Variants in DCLK2 observed in about 807,000 individuals in gnomAD.
The protein encoded by DCLK2 is serine/threonine-protein kinase DCLK2.
In DCLK2, 31 loss-of-function variants were observed where a neutral mutation model predicts 78.4. The observed-to-expected ratio is 0.40, with a 90% CI of 0.30 to 0.53. DCLK2 has a LOEUF of 0.53. Among genes scored for constraint, DCLK2 ranks in the 20% least tolerant of loss-of-function variants. The pLI, the probability that DCLK2 is intolerant of heterozygous loss-of-function variation, is 0.61. For missense variants in DCLK2, 872 were observed against 973.7 expected (o/e 0.90, Z 1.39); for synonymous variants, 407 against 374.9 (o/e 1.09, Z -0.99).
At chr4:150,108,437 G>A (rs372253065) in intron 2 of DCLK2, among the ~76,000 whole-genome samples, 2 of 151,938 alleles carry the variant, frequency 1.3e-5, no homozygotes, top group East Asian at 2.0e-4. Context: ...CCAGCTACAC[G>A]GGAGGCTGAG....
At chr4:150,217,571 C>T (rs1740817848) in intron 5 of DCLK2, among the ~76,000 whole-genome samples, 2 of 152,162 alleles carry the variant, frequency 1.3e-5, no homozygotes, top group African/African-American at 4.8e-5. Flanking sequence ...CTTAGGTGCA[C>T]CTATCCCTCC....
chr4:150,156,738 CTATTTTAT>C (rs1735302143), intron 2 of DCLK2, among the ~76,000 whole-genome samples: 1 of 142,932 alleles, frequency 7.0e-6, no homozygotes, highest in Admixed American at 7.2e-5. Context: ...TAGGGAGTAA[CTATTTTAT>C]TTATTTATTT....
At chr4:150,229,791 A>G (rs1039743532) in intron 8 of DCLK2, among the ~76,000 whole-genome samples, 3 of 152,198 alleles carry the variant, frequency 2.0e-5, no homozygotes, top group African/African-American at 7.2e-5. Flanking sequence ...TGGAGTTAGA[A>G]TCATGAATCA....
intron 1 of DCLK2, among the ~76,000 whole-genome samples, chr4:150,085,739 A>G (rs775075373): frequency 2.6e-5 from 4 of 152,204 alleles, no homozygotes; most frequent in Non-Finnish European, 5.9e-5. Flanking sequence ...AGTCACCATG[A>G]GTGAACCAAG....
At chr4:150,108,591 G>C (rs1036229888) in intron 2 of DCLK2, among the ~76,000 whole-genome samples, 1 of 151,678 alleles carries the variant, frequency 6.6e-6, no homozygotes, top group Non-Finnish European at 1.5e-5. Context: ...AAACCTTCTT[G>C]CACTTTTAAG....
At chr4:150,234,752 T>TAAA (rs77788835) in intron 10 of DCLK2, among the ~76,000 whole-genome samples, 57 of 141,106 alleles carry the variant, frequency 4.0e-4, no homozygotes, top group Non-Finnish European at 8.5e-4. Context: ...TGCTCTGTGT[T>TAAA]AAAAAAAAAA....
At chr4:150,140,456 A>G (rs1366050928) in intron 2 of DCLK2, among the ~76,000 whole-genome samples, 2 of 152,158 alleles carry the variant, frequency 1.3e-5, no homozygotes, top group East Asian at 3.9e-4. Flanking sequence ...AGGGTTGAGG[A>G]CCCCAATGGT....
At chr4:150,155,795 A>G (rs1735228823) in intron 2 of DCLK2, among the ~76,000 whole-genome samples, 2 of 152,150 alleles carry the variant, frequency 1.3e-5, no homozygotes, top group Non-Finnish European at 2.9e-5. Context: ...GACTGCACAA[A>G]TGGGTGGATA....
intron 2 of DCLK2, among the ~76,000 whole-genome samples, chr4:150,109,662 A>C (rs2150164412): frequency 6.6e-6 from 1 of 152,294 alleles, no homozygotes; most frequent in Non-Finnish European, 1.5e-5. Context: ...GATGATAGAA[A>C]TCTAGACAAC....
intron 2 of DCLK2, among the ~76,000 whole-genome samples, chr4:150,129,441 C>A (rs1733140911): frequency 6.6e-6 from 1 of 152,040 alleles, no homozygotes; most frequent in South Asian, 2.1e-4. Flanking sequence ...ATTTTAATGG[C>A]CAGGCGCCGT....
intron 2 of DCLK2, among the ~76,000 whole-genome samples, chr4:150,186,736 C>T (rs962724347): frequency 5.3e-5 from 8 of 152,134 alleles, no homozygotes; most frequent in African/African-American, 9.7e-5. Flanking sequence ...CAGTTAAATA[C>T]GTAGTCCCAG....
intron 2 of DCLK2, among the ~76,000 whole-genome samples, chr4:150,119,044 TATAATA>T (rs70937317): frequency 6.9e-5 from 8 of 115,382 alleles, no homozygotes; most frequent in East Asian, 4.6e-4. Context: ...ACAATAATAA[TATAATA>T]ATAATAATAA....
intron 2 of DCLK2, among the ~76,000 whole-genome samples, chr4:150,130,944 T>C (rs2150197024): frequency 6.6e-6 from 1 of 152,192 alleles, no homozygotes; most frequent in East Asian, 1.9e-4. Flanking sequence ...TCTTAATAAG[T>C]CCTGGTTTCC....
chr4:150,105,924 T>C (rs1204087681), intron 2 of DCLK2, among the ~76,000 whole-genome samples: 1 of 152,064 alleles, frequency 6.6e-6, no homozygotes, highest in Non-Finnish European at 1.5e-5. Flanking sequence ...CCATCAGAAA[T>C]TGAATATTTG....
chr4:150,089,877 TGTAATGAGTCA>T (rs1408266045), intron 1 of DCLK2, among the ~76,000 whole-genome samples: 2 of 152,226 alleles, frequency 1.3e-5, no homozygotes, highest in Non-Finnish European at 2.9e-5. Flanking sequence ...CAGAATGCCG[TGTAATGAGTCA>T]GTTTTGCACA....
At position 150,102,076 on chromosome 4, in the gene DCLK2, T is replaced by G. The variant is rs75987972; in HGVS notation, c.422-402T>G. 7.0e-3 allele frequency among the ~76,000 whole-genome samples: 1,070 copies of G among 152,336 alleles called. 10 individuals are homozygous for G. Among genetic ancestry groups the G allele is most frequent in the African/African-American group, 0.025 (1,026 of 41,572 alleles). On this transcript the variant is annotated intron_variant, in intron 1 of 15. Transcript: ENST00000296550. ...TTTATAGCAATATGTTGTGATATAATTATTTCTACCAGAATGAGATTTCTA... is the reference window on the plus strand; with the variant it reads ...TTTATAGCAATATGTTGTGATATAAGTATTTCTACCAGAATGAGATTTCTA...
Position 150,240,855 on chromosome 4 carries a change from T to C in DCLK2, c.1778+379T>C, listed in dbSNP as rs114233524. Among the ~76,000 whole-genome samples the C allele has an allele frequency of 4.2e-3, 638 of 152,214 alleles. 1 individual carries two copies. Among genetic ancestry groups the C allele is most frequent in the African/African-American group, 0.011 (458 of 41,556 alleles). Reference sequence around the variant, plus strand: ...CTATTAATGTATATTCTCATTAGCATACTTTGGGTGTGAGGTGAAGGCCTT... The same window carrying C: ...CTATTAATGTATATTCTCATTAGCACACTTTGGGTGTGAGGTGAAGGCCTT... On this transcript the variant is annotated intron_variant, in intron 12 of 15. Transcript: ENST00000296550.
intron 1 of DCLK2, among the ~76,000 whole-genome samples, chr4:150,093,435 G>A (rs1022255438): frequency 7.9e-5 from 12 of 152,206 alleles, no homozygotes; most frequent in Non-Finnish European, 1.5e-4. Context: ...AGGTTGGAGT[G>A]CAGTGGTGCC....
At chr4:150,141,405 T>A (rs1734093022) in intron 2 of DCLK2, among the ~76,000 whole-genome samples, 1 of 152,180 alleles carries the variant, frequency 6.6e-6, no homozygotes, top group Non-Finnish European at 1.5e-5. Context: ...TGTTGGTGTT[T>A]CATTTTGCAG....
Sources: allele counts gnomAD v4.1 joint callset (sites outside exome capture counted in the v4.1 genomes callset), GRCh38; gene constraint gnomAD v4.1.1; transcripts MANE v1.5; gene names NCBI Gene and HGNC (gene_info 2026-07-23, HGNC 2026-07-21).